The following TENM3 variants were observed in gnomAD, a reference collection of about 807,000 sequenced individuals.
TENM3 encodes teneurin-3.
In TENM3, 63 loss-of-function variants were observed where a neutral mutation model predicts 255.1. That is an observed-to-expected ratio of 0.25 (90% CI 0.20 to 0.30). The LOEUF (loss-of-function observed/expected upper bound fraction) is 0.30, where lower values mean the gene tolerates loss of function less well. Ranked by LOEUF, TENM3 falls within the 10% of genes least tolerant of loss-of-function variation. The pLI, the probability that TENM3 is intolerant of heterozygous loss-of-function variation, is 1.00. For missense variants in TENM3, 2,929 were observed against 3,461.1 expected, an observed-to-expected ratio of 0.85 and a Z score of 3.86; for synonymous variants, 1,306 against 1,322.3, an observed-to-expected ratio of 0.99 and a Z score of 0.27.
chr4:181,704,239 C>A, the TENM3 span, among the ~76,000 whole-genome samples: 1 of 152,154 alleles, frequency 6.6e-6, no homozygotes, highest in Non-Finnish European at 1.5e-5. Context: ...TACCCCTGAG[C>A]CCACCCAAAG....
chr4:182,277,652 G>A (rs1030690973), intron 1 of TENM3, among the ~76,000 whole-genome samples: 13 of 152,266 alleles, frequency 8.5e-5, no homozygotes, highest in African/African-American at 2.4e-4. Flanking sequence ...TAAGCAGTAC[G>A]GCGTTGCCTT....
the TENM3 span, among the ~76,000 whole-genome samples, chr4:181,942,993 C>T: frequency 6.6e-6 from 1 of 152,098 alleles, no homozygotes; most frequent in Non-Finnish European, 1.5e-5. Context: ...TAAAGACAAT[C>T]TTGGCATATT....
At chr4:182,314,178 G>A (rs914684269) in intron 1 of TENM3, among the ~76,000 whole-genome samples, 2 of 152,086 alleles carry the variant, frequency 1.3e-5, no homozygotes, top group African/African-American at 4.8e-5. Context: ...GCAAGCGCCT[G>A]TAGTCCCAGC....
chr4:182,325,252 T>C (rs1040065440), intron 2 of TENM3, among the ~76,000 whole-genome samples: 9 of 152,196 alleles, frequency 5.9e-5, no homozygotes, highest in Non-Finnish European at 1.2e-4. Context: ...CAGGAACACA[T>C]TTAAGAAAAA....
chr4:182,748,719 C>G (rs140338200), intron 19 of TENM3, among the ~76,000 whole-genome samples: 1 of 152,186 alleles, frequency 6.6e-6, no homozygotes, highest in Admixed American at 6.5e-5. Flanking sequence ...TCCTAGCCTG[C>G]GCTGCTGGGA....
At chr4:182,262,859 AC>A (rs1758928416) in intron 1 of TENM3, among the ~76,000 whole-genome samples, 1 of 151,158 alleles carries the variant, frequency 6.6e-6, no homozygotes, top group Non-Finnish European at 1.5e-5. Flanking sequence ...GACTACAGGC[AC>A]CCACCACCAC....
At chr4:181,529,347 G>A in the TENM3 span, among the ~76,000 whole-genome samples, 1 of 152,204 alleles carries the variant, frequency 6.6e-6, no homozygotes, top group African/African-American at 2.4e-5. Flanking sequence ...AACTGCTCTT[G>A]GGCGATGACA....
chr4:182,014,807 G>A, the TENM3 span, among the ~76,000 whole-genome samples: 3 of 152,128 alleles, frequency 2.0e-5, no homozygotes, highest in Non-Finnish European at 4.4e-5. Flanking sequence ...GAGCACAGGA[G>A]AGCATGCCCT....
At chr4:181,774,843 C>T in the TENM3 span, among the ~76,000 whole-genome samples, 1,137 of 115,464 alleles carry the variant, frequency 9.8e-3, 45 homozygotes, top group African/African-American at 0.035. Context: ...TCATGTCCTT[C>T]GCCCACTTTT....
At chr4:182,650,925 A>ATATAT (rs1561056446) in intron 5 of TENM3, among the ~76,000 whole-genome samples, 597 of 18,422 alleles carry the variant, frequency 0.032, 1 homozygote, top group Non-Finnish European at 0.032. Flanking sequence ...TATATATATA[A>ATATAT]AACAAAGCTG....
At chr4:181,986,028 G>C in the TENM3 span, among the ~76,000 whole-genome samples, 1 of 152,116 alleles carries the variant, frequency 6.6e-6, no homozygotes, top group South Asian at 2.1e-4. Flanking sequence ...CAGATTGAAT[G>C]GGCTACAAAT....
At chr4:182,742,035 G>C (rs973714249) in intron 18 of TENM3, among the ~76,000 whole-genome samples, 12 of 152,192 alleles carry the variant, frequency 7.9e-5, no homozygotes, top group African/African-American at 2.9e-4. Context: ...TTGGAACATA[G>C]AACATTCAAT....
intron 3 of TENM3, among the ~76,000 whole-genome samples, chr4:182,503,731 C>T (rs868308147): frequency 1.3e-5 from 2 of 152,084 alleles, no homozygotes; most frequent in African/African-American, 4.8e-5. Flanking sequence ...AGCTGTGACA[C>T]ACCCTGTGAG....
chr4:181,864,748 G>C, the TENM3 span, among the ~76,000 whole-genome samples: 3 of 152,264 alleles, frequency 2.0e-5, no homozygotes, highest in South Asian at 6.2e-4. Flanking sequence ...TAATATTCCA[G>C]ATGGGGAATC....
chr4:181,974,117 A>G, the TENM3 span, among the ~76,000 whole-genome samples: 2 of 152,206 alleles, frequency 1.3e-5, no homozygotes, highest in Non-Finnish European at 2.9e-5. Context: ...GAGACTGCTC[A>G]TTCAAGGAGT....
chr4:181,822,114 T>C, the TENM3 span, among the ~76,000 whole-genome samples: 1 of 152,188 alleles, frequency 6.6e-6, no homozygotes, highest in Non-Finnish European at 1.5e-5. Flanking sequence ...ATCAGGTTTC[T>C]TTTTTCAGGT....
the TENM3 span, among the ~76,000 whole-genome samples, chr4:181,687,347 C>A: frequency 6.6e-6 from 1 of 152,142 alleles, no homozygotes; most frequent in Non-Finnish European, 1.5e-5. Context: ...TAGTGATTTC[C>A]ATTTGATCAA....
the TENM3 span, among the ~76,000 whole-genome samples, chr4:181,634,152 C>G: frequency 2.0e-5 from 3 of 152,182 alleles, no homozygotes; most frequent in Non-Finnish European, 2.9e-5. Flanking sequence ...TTTGGAGGAG[C>G]TATAAACCTT....
chr4:182,236,960 G>A (rs573921982), intron 1 of TENM3, among the ~76,000 whole-genome samples: 41 of 152,256 alleles, frequency 2.7e-4, no homozygotes, highest in African/African-American at 9.1e-4. Context: ...ATTAAGCCTG[G>A]CATACATTAG....
Sources: allele counts gnomAD v4.1 joint callset (sites outside exome capture counted in the v4.1 genomes callset), GRCh38; gene constraint gnomAD v4.1.1; transcripts MANE v1.5; gene names NCBI Gene and HGNC (gene_info 2026-07-23, HGNC 2026-07-21).